The following CDYL2 variants were observed in gnomAD, a reference collection of about 807,000 sequenced individuals.
The protein encoded by CDYL2 is chromodomain Y-like protein 2.
CDYL2 carries 23 observed loss-of-function variants against 49.4 expected under a neutral mutation model. The observed-to-expected ratio is 0.47, with a 90% CI of 0.34 to 0.66. CDYL2 has a LOEUF of 0.66. CDYL2 is among the 30% of genes least tolerant of loss of function. CDYL2 has a pLI of 0.01. For missense variants in CDYL2, 678 were observed against 656.4 expected (o/e 1.03, Z -0.36); for synonymous variants, 360 against 268.8 (o/e 1.34, Z -3.32).
intron 1 of CDYL2, among the ~76,000 whole-genome samples, chr16:80,696,441 A>T (rs897181466): frequency 2.0e-5 from 3 of 152,090 alleles, no homozygotes; most frequent in African/African-American, 7.2e-5. Context: ...AGTTTTTTTT[A>T]AATATAAAAT....
intron 1 of CDYL2, among the ~76,000 whole-genome samples, chr16:80,755,196 A>C (rs147043063): frequency 3.0e-4 from 46 of 152,270 alleles, no homozygotes; most frequent in African/African-American, 9.1e-4. Flanking sequence ...TTACTCAGCA[A>C]ATGTAAATTT....
intron 1 of CDYL2, among the ~76,000 whole-genome samples, chr16:80,785,384 A>T (rs929824159): frequency 3.9e-5 from 6 of 152,194 alleles, no homozygotes; most frequent in African/African-American, 1.4e-4. Context: ...AGAGAATAAA[A>T]TACCTAGGAG....
At chr16:80,699,266 T>C (rs1229867571) in intron 1 of CDYL2, among the ~76,000 whole-genome samples, 1 of 152,186 alleles carries the variant, frequency 6.6e-6, no homozygotes, top group African/African-American at 2.4e-5. Flanking sequence ...TAAGTGTCCA[T>C]CAACAGATGA....
chr16:80,789,846 T>C (rs1907553566), intron 1 of CDYL2, among the ~76,000 whole-genome samples: 1 of 152,064 alleles, frequency 6.6e-6, no homozygotes, highest in South Asian at 2.1e-4. Context: ...CACTTGTAGA[T>C]GAGACATAAA....
intron 4 of CDYL2, among the ~76,000 whole-genome samples, chr16:80,615,713 G>A (rs980721729): frequency 1.3e-5 from 2 of 152,102 alleles, no homozygotes; most frequent in Non-Finnish European, 2.9e-5. Context: ...TGAGATCCAT[G>A]AAACGGAATC....
intron 2 of CDYL2, among the ~76,000 whole-genome samples, chr16:80,637,410 AT>A (rs896334047): frequency 2.6e-5 from 4 of 152,210 alleles, no homozygotes; most frequent in African/African-American, 7.2e-5. Context: ...TTGCAAAAAC[AT>A]TTTTAAGGGA....
At chr16:80,710,070 G>T (rs1207080296) in intron 1 of CDYL2, among the ~76,000 whole-genome samples, 1 of 152,084 alleles carries the variant, frequency 6.6e-6, no homozygotes, top group African/African-American at 2.4e-5. Context: ...TGGGATTACA[G>T]GCACGTGCCA....
chr16:80,681,180 A>G (rs1030987478), intron 2 of CDYL2, among the ~76,000 whole-genome samples: 2 of 152,196 alleles, frequency 1.3e-5, no homozygotes, highest in African/African-American at 4.8e-5. Flanking sequence ...AGCTAAAACC[A>G]TATAAAAAGC....
intron 2 of CDYL2, among the ~76,000 whole-genome samples, chr16:80,677,194 A>G (rs1597166647): frequency 1.4e-5 from 2 of 147,438 alleles, no homozygotes; most frequent in South Asian, 4.4e-4. Context: ...CTGGTCTTGA[A>G]CTCCTGGGCT....
intron 2 of CDYL2, among the ~76,000 whole-genome samples, chr16:80,639,155 C>T (rs1232920250): frequency 6.6e-6 from 1 of 152,116 alleles, no homozygotes; most frequent in Non-Finnish European, 1.5e-5. Context: ...CCAGGAGGTA[C>T]CACTACACAC....
In CDYL2 at chr16:80,608,094, C is replaced by T. The variant is rs145676305; in HGVS notation, c.1360G>A (p.Val454Met). The T allele has an allele frequency of 3.7e-5, 59 of 1,579,804 alleles. No individual in the cohort carries two copies. The highest frequency in any genetic ancestry group is 4.8e-5 in the Non-Finnish European group (56 of 1,162,036). Residue 454 changes from valine to methionine, a missense_variant and splice_region_variant, in exon 6 of 7, where the codon GTG (valine) becomes ATG (methionine). By Grantham distance (21) the Val-to-Met change is conservative. Coordinates refer to ENST00000570137, the MANE Select transcript of CDYL2 (RefSeq NM_152342.4). ...RVKEMASCSA[V>M]VLEESKCLVR... is the part of the protein sequence containing the mutation. The stretch of plus-strand genomic sequence containing the variant: ...ACGCAGGAGGCGCAGGAACTCACCA[C>T]GGCACTGCAGGATGCCATCTCCTTG...
chr16:80,654,061 T>G (rs931249175), intron 2 of CDYL2, among the ~76,000 whole-genome samples: 1 of 152,056 alleles, frequency 6.6e-6, no homozygotes, highest in Non-Finnish European at 1.5e-5. Context: ...ATGAAGTGAG[T>G]GACTGCCCCG....
At chr16:80,681,965 C>T (rs1909983804) in intron 2 of CDYL2, among the ~76,000 whole-genome samples, 1 of 152,158 alleles carries the variant, frequency 6.6e-6, no homozygotes, top group African/African-American at 2.4e-5. Context: ...TGATGTGAAA[C>T]TTCAAGGTCC....
At chr16:80,633,313 G>T in intron 2 of CDYL2, 77 bp from the exon 3 acceptor site, 6 of 1,437,024 alleles carry the variant, frequency 4.2e-6, no homozygotes, top group Non-Finnish European at 5.8e-6. Flanking sequence ...AGGACGTTGG[G>T]ATTTCCAATG....
At chr16:80,747,710 C>T (rs1002398274) in intron 1 of CDYL2, among the ~76,000 whole-genome samples, 8 of 152,162 alleles carry the variant, frequency 5.3e-5, no homozygotes, top group African/African-American at 1.9e-4. Context: ...CAACCAAAAG[C>T]TATCTTCACA....
At chr16:80,633,758 G>A (rs916487080) in intron 2 of CDYL2, among the ~76,000 whole-genome samples, 1 of 152,160 alleles carries the variant, frequency 6.6e-6, no homozygotes, top group Admixed American at 6.5e-5. Flanking sequence ...AGATGAGAGG[G>A]GTGAATACCA....
rs368140196 is a variant in CDYL2 at position 80,730,507 on chromosome 16, G to A, written c.25-45378C>T. ...TCCAGGACCAGATGGATTCACAGCC[G>A]AATTCTACCAGAGGTACAAGGAGGA... On this transcript the variant is annotated intron_variant, in intron 1 of 6. Transcript: ENST00000570137. Among the ~76,000 whole-genome samples the A allele has an allele frequency of 2.9e-4, 44 of 152,058 alleles. 1 individual carries two copies. The highest frequency in any genetic ancestry group is 2.4e-3 in the Admixed American group (36 of 15,284).
intron 1 of CDYL2, among the ~76,000 whole-genome samples, chr16:80,772,164 T>C (rs1296812261): frequency 6.6e-6 from 1 of 152,092 alleles, no homozygotes; most frequent in African/African-American, 2.4e-5. Flanking sequence ...AAACTAAATG[T>C]GAAATAAAGC....
intron 2 of CDYL2, among the ~76,000 whole-genome samples, chr16:80,634,747 C>G (rs1243752886): frequency 6.6e-6 from 1 of 152,050 alleles, no homozygotes; most frequent in African/African-American, 2.4e-5. Flanking sequence ...AAGACACAAA[C>G]TTCCAAAATA....
Sources: gnomAD v4.1 joint callset for allele counts (sites outside exome capture counted in the v4.1 genomes callset) on GRCh38, gnomAD v4.1.1 for gene constraint, MANE v1.5 for transcripts, NCBI Gene and HGNC (gene_info 2026-07-23, HGNC 2026-07-21) for gene names.